The following SYT16 variants were observed in gnomAD, a reference collection of about 807,000 sequenced individuals.
The protein encoded by SYT16 is synaptotagmin-16.
In SYT16, 42 loss-of-function variants were observed where a neutral mutation model predicts 61.4. The ratio of observed to expected loss-of-function variants is 0.68; its 90% confidence interval spans 0.53 to 0.89. SYT16 has a LOEUF of 0.89. Among genes scored for constraint, SYT16 ranks in the 40% least tolerant of loss-of-function variants. The probability of loss-of-function intolerance (pLI) is 0.00; values close to 1 mark genes in which losing one functional copy is unlikely to be tolerated. For missense variants in SYT16, 804 were observed against 807.3 expected (o/e 1.00, Z 0.05); for synonymous variants, 314 against 302.3 (o/e 1.04, Z -0.40).
At chr14:62,092,871 G>C (rs1411882032) in intron 7 of SYT16, among the ~76,000 whole-genome samples, 1 of 151,886 alleles carries the variant, frequency 6.6e-6, no homozygotes, top group Non-Finnish European at 1.5e-5. Context: ...ATGTTAAAAT[G>C]GTAAATTTTG....
intron 1 of SYT16, among the ~76,000 whole-genome samples, chr14:61,833,775 G>A (rs1438958722): frequency 6.5e-5 from 9 of 139,344 alleles, no homozygotes; most frequent in Non-Finnish European, 9.1e-5. Context: ...CAGCTTCCTC[G>A]CTCTTTCTTT....
intron 7 of SYT16, among the ~76,000 whole-genome samples, chr14:62,087,812 G>A (rs2056936870): frequency 6.6e-6 from 1 of 152,176 alleles, no homozygotes; most frequent in Non-Finnish European, 1.5e-5. Flanking sequence ...AAGCCACTGA[G>A]ATAGAAACCC....
At chr14:61,865,576 A>T (rs1286794348) in intron 1 of SYT16, among the ~76,000 whole-genome samples, 1 of 152,196 alleles carries the variant, frequency 6.6e-6, no homozygotes, top group Non-Finnish European at 1.5e-5. Flanking sequence ...GATGGGAAAG[A>T]TGTGGATTGC....
intron 1 of SYT16, among the ~76,000 whole-genome samples, chr14:61,888,851 A>AT (rs1459046977): frequency 6.6e-6 from 1 of 151,888 alleles, no homozygotes; most frequent in Admixed American, 6.6e-5. Flanking sequence ...TTTTTTTCTA[A>AT]AAAGGTACAA....
At chr14:62,011,870 T>TACACACACACACACACACACACACAC (rs1351640578) in intron 3 of SYT16, among the ~76,000 whole-genome samples, 1 of 124,036 alleles carries the variant, frequency 8.1e-6, no homozygotes, top group Non-Finnish European at 1.6e-5. Flanking sequence ...GGGAACACTA[T>TACACACACACACACACACACACACAC]ATATACACAC....
chr14:61,837,307 G>C (rs2046162077), intron 1 of SYT16, among the ~76,000 whole-genome samples: 1 of 150,562 alleles, frequency 6.6e-6, no homozygotes. Flanking sequence ...TGCGATCTTG[G>C]TTCACTGCAA....
At chr14:61,904,444 A>C (rs1212473423) in intron 1 of SYT16, among the ~76,000 whole-genome samples, 1 of 152,170 alleles carries the variant, frequency 6.6e-6, no homozygotes, top group Non-Finnish European at 1.5e-5. Context: ...CCTGCTTTGC[A>C]TTCCTGTGAT....
intron 7 of SYT16, among the ~76,000 whole-genome samples, chr14:62,092,539 T>A (rs1209275570): frequency 6.6e-6 from 1 of 151,980 alleles, no homozygotes; most frequent in Non-Finnish European, 1.5e-5. Flanking sequence ...AGGAATACTA[T>A]TCAACCTTAA....
chr14:61,933,841 AAGG>A (rs2049869637), intron 1 of SYT16, among the ~76,000 whole-genome samples: 1 of 152,246 alleles, frequency 6.6e-6, no homozygotes, highest in Non-Finnish European at 1.5e-5. Flanking sequence ...AATAGAAAAT[AAGG>A]AGGATATTTA....
At chr14:62,063,647 ACCATCCCGTCTCTTTG>A (rs2055926626) in intron 3 of SYT16, among the ~76,000 whole-genome samples, 2 of 151,986 alleles carry the variant, frequency 1.3e-5, no homozygotes, top group Non-Finnish European at 2.9e-5. Flanking sequence ...CTAAGACCCC[ACCATCCCGTCTCTTTG>A]GAAGATAAAG....
chr14:61,902,983 G>A (rs1414028522), intron 1 of SYT16, among the ~76,000 whole-genome samples: 1 of 152,148 alleles, frequency 6.6e-6, no homozygotes. Context: ...ATGAGATTTG[G>A]GTGGGGACAC....
At chr14:61,871,557 C>T (rs2047333716) in intron 1 of SYT16, among the ~76,000 whole-genome samples, 1 of 152,214 alleles carries the variant, frequency 6.6e-6, no homozygotes, top group African/African-American at 2.4e-5. Flanking sequence ...GGGATCACTT[C>T]ATTCATTTAT....
intron 1 of SYT16, among the ~76,000 whole-genome samples, chr14:61,953,589 G>A (rs2050755722): frequency 6.6e-6 from 1 of 152,158 alleles, no homozygotes; most frequent in Admixed American, 6.5e-5. Flanking sequence ...GCCAATTGCT[G>A]TCTCCACCAT....
At chr14:61,834,373 G>C (rs2046054655) in intron 1 of SYT16, among the ~76,000 whole-genome samples, 1 of 148,456 alleles carries the variant, frequency 6.7e-6, no homozygotes, top group Admixed American at 6.7e-5. Context: ...CTCGTGATCT[G>C]CCTGCCTTGG....
rs555805696 is a variant in SYT16, at chr14:61,832,454, G to A, written c.-325+19644G>A. 11 of 414,382 alleles carry A rather than the reference G, an allele frequency of 2.7e-5. No homozygotes were observed. In the Admixed American group the frequency reaches 2.7e-4, roughly 10 times the overall value. The allele number at this position is 414,382 out of a possible 1,614,324, so 25.7% of individuals were successfully genotyped here. On this transcript the variant is annotated intron_variant, in intron 1 of 7. Transcript: ENST00000683842. ...GTTCTTTTTTGTTTTTTTCTTTTCC[G>A]AGACGGAGTTTTGCTCTTGTTGCCC...
intron 1 of SYT16, among the ~76,000 whole-genome samples, chr14:61,890,222 G>C (rs1249032167): frequency 6.6e-6 from 1 of 152,212 alleles, no homozygotes; most frequent in Admixed American, 6.5e-5. Flanking sequence ...GCTGTGGGTA[G>C]TTTGGGTTGG....
intron 1 of SYT16, among the ~76,000 whole-genome samples, chr14:61,854,001 A>G (rs1392228865): frequency 2.6e-5 from 4 of 152,222 alleles, no homozygotes; most frequent in East Asian, 3.8e-4. Flanking sequence ...CACGTAATCT[A>G]TGAACATCAT....
At chr14:61,999,099 G>A (rs942724621) in intron 3 of SYT16, among the ~76,000 whole-genome samples, 1 of 151,566 alleles carries the variant, frequency 6.6e-6, no homozygotes. Context: ...ATATTGGTCT[G>A]TAGTTTTCTT....
At chr14:62,062,404 AG>A (rs1226540205) in intron 3 of SYT16, among the ~76,000 whole-genome samples, 17 of 152,172 alleles carry the variant, frequency 1.1e-4, no homozygotes, top group Admixed American at 1.1e-3. Flanking sequence ...GAAAATGTAA[AG>A]CATATTAAAA....
Sources: gnomAD v4.1 joint callset for allele counts (sites outside exome capture counted in the v4.1 genomes callset) on GRCh38, gnomAD v4.1.1 for gene constraint, MANE v1.5 for transcripts, NCBI Gene and HGNC (gene_info 2026-07-23, HGNC 2026-07-21) for gene names.